Variants in ARL15 observed in about 807,000 individuals in gnomAD.
ARL15 encodes the protein ADP-ribosylation factor-like protein 15.
ARL15 carries 19 observed loss-of-function variants against 25.2 expected under a neutral mutation model. The observed-to-expected ratio is 0.75, with a 90% CI of 0.53 to 1.10. The LOEUF (loss-of-function observed/expected upper bound fraction) is 1.10. Ranked by LOEUF, ARL15 falls within the 50% of genes least tolerant of loss-of-function variation. ARL15 has a pLI of 0.00. For synonymous variants in ARL15, 94 were observed against 86.8 expected, an observed-to-expected ratio of 1.08 and a Z score of -0.46; for missense variants, 220 against 246.0, an observed-to-expected ratio of 0.89 and a Z score of 0.71.
intron 1 of ARL15, among the ~76,000 whole-genome samples, chr5:54,295,050 C>T (rs1380373534): frequency 6.6e-6 from 1 of 152,234 alleles, no homozygotes; most frequent in Non-Finnish European, 1.5e-5. Context: ...TTAAAATATG[C>T]ATCACATCTT....
intron 4 of ARL15, among the ~76,000 whole-genome samples, chr5:54,062,415 T>C (rs1185375328): frequency 1.3e-5 from 2 of 151,860 alleles, no homozygotes; most frequent in African/African-American, 2.4e-5. Context: ...TTCCCATGTG[T>C]TGTGGGAGAG....
intron 4 of ARL15, among the ~76,000 whole-genome samples, chr5:54,077,943 G>A (rs541430226): frequency 1.6e-4 from 25 of 152,268 alleles, no homozygotes; most frequent in East Asian, 5.8e-4. Context: ...TTAATAAAGC[G>A]TTATGGGAAA....
intron 1 of ARL15, among the ~76,000 whole-genome samples, chr5:54,288,363 A>C (rs566343741): frequency 1.3e-5 from 2 of 152,260 alleles, no homozygotes; most frequent in Non-Finnish European, 2.9e-5. Context: ...GGAATGCAGA[A>C]GTGATGGCAG....
chr5:54,029,318 C>CAACACCACT (rs1561194960), intron 4 of ARL15, among the ~76,000 whole-genome samples: 18 of 116,086 alleles, frequency 1.6e-4, no homozygotes, highest in African/African-American at 6.1e-4. Flanking sequence ...CCACCACCAC[C>CAACACCACT]ACCACCACCA....
chr5:54,193,020 C>G (rs370163817), intron 1 of ARL15, among the ~76,000 whole-genome samples: 3 of 152,160 alleles, frequency 2.0e-5, no homozygotes, highest in South Asian at 4.1e-4. Context: ...ATGGCTTCTA[C>G]TATTTTGATG....
intron 3 of ARL15, among the ~76,000 whole-genome samples, chr5:54,125,036 T>G (rs906784809): frequency 1.3e-5 from 2 of 151,932 alleles, no homozygotes; most frequent in African/African-American, 4.8e-5. Context: ...GCTATCAGAT[T>G]CTCTCTATTG....
intron 4 of ARL15, among the ~76,000 whole-genome samples, chr5:53,946,077 C>A (rs1746718979): frequency 6.6e-6 from 1 of 152,192 alleles, no homozygotes; most frequent in South Asian, 2.1e-4. Flanking sequence ...AATGAGGGAT[C>A]ATATCACTAT....
chr5:54,105,888 T>A (rs879809552), intron 4 of ARL15, among the ~76,000 whole-genome samples: 7 of 152,230 alleles, frequency 4.6e-5, no homozygotes, highest in Non-Finnish European at 1.0e-4. Context: ...CATGTCATTA[T>A]GTTCCCTTAG....
intron 4 of ARL15, among the ~76,000 whole-genome samples, chr5:54,107,714 G>A (rs967045467): frequency 6.6e-6 from 1 of 152,140 alleles, no homozygotes; most frequent in Non-Finnish European, 1.5e-5. Flanking sequence ...GTGACTGAAG[G>A]AAGATAGTGG....
chr5:53,896,265 C>A (rs1744868771), intron 4 of ARL15, among the ~76,000 whole-genome samples: 1 of 152,122 alleles, frequency 6.6e-6, no homozygotes, highest in Non-Finnish European at 1.5e-5. Flanking sequence ...AACTCCTGAC[C>A]TCAAGTGATC....
intron 1 of ARL15, among the ~76,000 whole-genome samples, chr5:54,218,801 A>G (rs1756291576): frequency 6.6e-6 from 1 of 152,186 alleles, no homozygotes; most frequent in Non-Finnish European, 1.5e-5. Flanking sequence ...TTGTAACTTA[A>G]AAGTAGATGT....
At chr5:54,308,209 G>A (rs926064717) in intron 1 of ARL15, among the ~76,000 whole-genome samples, 2 of 152,130 alleles carry the variant, frequency 1.3e-5, no homozygotes, top group Non-Finnish European at 2.9e-5. Flanking sequence ...TGGTTTTTCT[G>A]TTTGTTTCCA....
intron 3 of ARL15, among the ~76,000 whole-genome samples, chr5:54,145,250 G>C (rs891446228): frequency 6.6e-6 from 1 of 151,980 alleles, no homozygotes; most frequent in Non-Finnish European, 1.5e-5. Flanking sequence ...TAAATTCTTC[G>C]CATTATTGCT....
chr5:54,104,919 A>G (rs1752545577), intron 4 of ARL15, among the ~76,000 whole-genome samples: 1 of 152,044 alleles, frequency 6.6e-6, no homozygotes, highest in African/African-American at 2.4e-5. Context: ...AAAAAAGTAA[A>G]CCATTTGTGC....
chr5:54,124,338 G>A (rs1010065826), intron 3 of ARL15, among the ~76,000 whole-genome samples: 1 of 152,136 alleles, frequency 6.6e-6, no homozygotes. Context: ...GCTTAAGCTT[G>A]TAATTCTGAC....
chr5:54,118,619 T>G (rs1263427727), intron 3 of ARL15, among the ~76,000 whole-genome samples: 1 of 152,172 alleles, frequency 6.6e-6, no homozygotes, highest in Admixed American at 6.5e-5. Context: ...AAAGTCTTAC[T>G]TTAAACTATC....
intron 4 of ARL15, among the ~76,000 whole-genome samples, chr5:53,991,640 G>C (rs923814895): frequency 3.3e-5 from 5 of 151,250 alleles, no homozygotes; most frequent in East Asian, 3.9e-4. Flanking sequence ...GGGAAGAACA[G>C]AGCAAGATCA....
At chr5:53,947,720 T>C (rs1460214252) in intron 4 of ARL15, among the ~76,000 whole-genome samples, 2 of 152,044 alleles carry the variant, frequency 1.3e-5, no homozygotes, top group Admixed American at 6.6e-5. Context: ...TTAGAGACGG[T>C]TAAAAAGCAA....
intron 1 of ARL15, among the ~76,000 whole-genome samples, chr5:54,279,801 T>C (rs1205520785): frequency 6.6e-6 from 1 of 152,178 alleles, no homozygotes; most frequent in Non-Finnish European, 1.5e-5. Context: ...ATTTCTGATA[T>C]CAGCAGTTCC....
Sources: gnomAD v4.1 joint callset for allele counts (sites outside exome capture counted in the v4.1 genomes callset) on GRCh38, gnomAD v4.1.1 for gene constraint, MANE v1.5 for transcripts, NCBI Gene and HGNC (gene_info 2026-07-23, HGNC 2026-07-21) for gene names.